The following XKR9 variants were observed in gnomAD, a reference collection of about 807,000 sequenced individuals.
XKR9 encodes the protein XK related 9.
Under a neutral mutation model 32.0 loss-of-function variants are expected in XKR9, and 32 were observed. The ratio of observed to expected loss-of-function variants is 1.00; its 90% CI spans 0.76 to 1.34. The LOEUF (loss-of-function observed/expected upper bound fraction) is 1.34. Among genes scored for constraint, XKR9 ranks in the 40% most tolerant of loss-of-function variants. The pLI is 0.00. For missense variants in XKR9, 546 were observed against 429.7 expected (o/e 1.27, Z -2.39); for synonymous variants, 168 against 143.4 (o/e 1.17, Z -1.22).
chr8:70,694,877 A>T (rs1363440158), intron 3 of XKR9, among the ~76,000 whole-genome samples: 4 of 152,162 alleles, frequency 2.6e-5, no homozygotes, highest in African/African-American at 9.7e-5. Context: ...AAGCCCTAGT[A>T]TCTAAGCCTC....
At chr8:70,931,481 A>G in the XKR9 span, among the ~76,000 whole-genome samples, 1 of 152,230 alleles carries the variant, frequency 6.6e-6, no homozygotes, top group Non-Finnish European at 1.5e-5. Context: ...GTAGCTAGTA[A>G]CTAATGGTCC....
chr8:70,669,769 C>A (rs1160757200), intron 1 of XKR9, among the ~76,000 whole-genome samples: 8 of 151,628 alleles, frequency 5.3e-5, no homozygotes, highest in Non-Finnish European at 1.2e-4. Context: ...CGGGTTCACG[C>A]CATCCTCCTG....
At chr8:70,822,242 T>A in the XKR9 span, among the ~76,000 whole-genome samples, 2 of 152,140 alleles carry the variant, frequency 1.3e-5, no homozygotes, top group African/African-American at 4.8e-5. Flanking sequence ...ACATTTATTT[T>A]TTTATCCGGG....
At chr8:71,033,711 C>G in the XKR9 span, among the ~76,000 whole-genome samples, 9 of 152,136 alleles carry the variant, frequency 5.9e-5, no homozygotes, top group East Asian at 1.7e-3. Flanking sequence ...CTCTCTCTTG[C>G]TTCTTATCTC....
intron 3 of XKR9, among the ~76,000 whole-genome samples, chr8:70,695,664 A>G (rs1428087975): frequency 1.3e-5 from 2 of 152,004 alleles, no homozygotes; most frequent in African/African-American, 4.8e-5. Flanking sequence ...TTATAGCAGC[A>G]TGATTTATAA....
the XKR9 span, among the ~76,000 whole-genome samples, chr8:70,870,150 G>A: frequency 1.3e-5 from 2 of 152,134 alleles, no homozygotes; most frequent in South Asian, 2.1e-4. Context: ...GTCTTAACTA[G>A]TATGATATTT....
the XKR9 span, among the ~76,000 whole-genome samples, chr8:71,051,871 T>G: frequency 6.6e-6 from 1 of 152,212 alleles, no homozygotes; most frequent in African/African-American, 2.4e-5. Context: ...CATCTAGAAA[T>G]TCTATCGTGA....
the XKR9 span, among the ~76,000 whole-genome samples, chr8:70,799,813 G>A: frequency 6.6e-6 from 1 of 152,110 alleles, no homozygotes; most frequent in Non-Finnish European, 1.5e-5. Context: ...GCAAATAGGG[G>A]TAGTTTGACT....
chr8:70,819,792 C>T, the XKR9 span, among the ~76,000 whole-genome samples: 1 of 152,138 alleles, frequency 6.6e-6, no homozygotes, highest in Non-Finnish European at 1.5e-5. Context: ...ATTAGTTAAT[C>T]GTTCCTGTAG....
chr8:70,794,977 T>C (rs1320891794), downstream of XKR9, among the ~76,000 whole-genome samples: 5 of 152,018 alleles, frequency 3.3e-5, no homozygotes, highest in East Asian at 9.6e-4. Flanking sequence ...TTTGTTGTTG[T>C]TTATTATTAT....
chr8:70,990,928 A>C, the XKR9 span, among the ~76,000 whole-genome samples: 1 of 152,214 alleles, frequency 6.6e-6, no homozygotes, highest in South Asian at 2.1e-4. Flanking sequence ...TAAAATTGCC[A>C]CTGGTGAGAG....
At chr8:70,991,471 A>G in the XKR9 span, among the ~76,000 whole-genome samples, 3 of 152,224 alleles carry the variant, frequency 2.0e-5, no homozygotes, top group East Asian at 3.8e-4. Context: ...ATAGCAATGT[A>G]TTGTAAATTG....
At chr8:70,769,765 C>T (rs1047400215) in intron 2 of XKR9, among the ~76,000 whole-genome samples, 4 of 151,820 alleles carry the variant, frequency 2.6e-5, no homozygotes, top group Non-Finnish European at 5.9e-5. Context: ...ACAAAGTTCT[C>T]ATGCTGTGTT....
the XKR9 span, among the ~76,000 whole-genome samples, chr8:70,997,233 G>A: frequency 1.1e-4 from 17 of 151,846 alleles, no homozygotes; most frequent in African/African-American, 4.1e-4. Flanking sequence ...GAAGGCGGAG[G>A]TTGCAGTGAG....
chr8:70,889,505 C>G, the XKR9 span, among the ~76,000 whole-genome samples: 1 of 151,764 alleles, frequency 6.6e-6, no homozygotes, highest in East Asian at 1.9e-4. Context: ...TCTCATCACC[C>G]AGGTCCTGAG....
chr8:71,000,797 G>A, the XKR9 span, among the ~76,000 whole-genome samples: 47 of 152,182 alleles, frequency 3.1e-4, 1 homozygote, highest in African/African-American at 9.7e-5. Flanking sequence ...TGGACCTGCC[G>A]CAAGAAGATG....
At chr8:70,881,597 T>C in the XKR9 span, among the ~76,000 whole-genome samples, 1 of 152,148 alleles carries the variant, frequency 6.6e-6, no homozygotes, top group Non-Finnish European at 1.5e-5. Flanking sequence ...ATGGCAGTCA[T>C]TAAAAAGTCA....
intron 2 of XKR9, among the ~76,000 whole-genome samples, chr8:70,772,433 C>T (rs185442119): frequency 1.3e-5 from 2 of 152,174 alleles, no homozygotes; most frequent in South Asian, 4.1e-4. Context: ...TGATTTTGAA[C>T]AGCCCGATTT....
chr8:70,864,250 A>G, the XKR9 span, among the ~76,000 whole-genome samples: 1 of 152,198 alleles, frequency 6.6e-6, no homozygotes, highest in Non-Finnish European at 1.5e-5. Flanking sequence ...TTGGAGTTTA[A>G]AAGGAAAAAG....
Sources: allele counts gnomAD v4.1 joint callset (sites outside exome capture counted in the v4.1 genomes callset), GRCh38; gene constraint gnomAD v4.1.1; transcripts MANE v1.5; gene names NCBI Gene and HGNC (gene_info 2026-07-23, HGNC 2026-07-21).